The following TTC7A variants were observed in gnomAD, a reference collection of about 807,000 sequenced individuals.
TTC7A encodes tetratricopeptide repeat domain 7A, also known as tetratricopeptide repeat protein 7A.
Under a neutral mutation model 103.7 loss-of-function variants are expected in TTC7A, and 110 were observed. The ratio of observed to expected loss-of-function variants is 1.06; its 90% CI spans 0.91 to 1.24. TTC7A has a LOEUF of 1.24. Ranked by LOEUF, TTC7A falls within the 50% of genes most tolerant of loss-of-function variation. TTC7A has a pLI of 0.00. For missense variants in TTC7A, 1,340 were observed against 1,116.3 expected (o/e 1.20, Z -2.86); for synonymous variants, 521 against 467.9 (o/e 1.11, Z -1.47).
At chr2:47,048,754 G>A (rs6731476) in intron 16 of TTC7A, among the ~76,000 whole-genome samples, 1 of 151,866 alleles carries the variant, frequency 6.6e-6, no homozygotes, top group Admixed American at 6.6e-5. Context: ...AGGCACCCAC[G>A]ACCATGTCTG....
chr2:46,932,954 G>A (rs1056162246), intron 2 of TTC7A, among the ~76,000 whole-genome samples: 1 of 151,594 alleles, frequency 6.6e-6, no homozygotes, highest in African/African-American at 2.4e-5. Flanking sequence ...GCTCAAAACT[G>A]CTATAATCTC....
At chr2:46,962,561 A>G (rs1672478842) in intron 3 of TTC7A, among the ~76,000 whole-genome samples, 1 of 152,226 alleles carries the variant, frequency 6.6e-6, no homozygotes, top group Non-Finnish European at 1.5e-5. Flanking sequence ...TGAGCAAAGC[A>G]TGCTCCTGGA....
At chr2:46,922,489 C>G (rs1269813942) in intron 2 of TTC7A, among the ~76,000 whole-genome samples, 1 of 152,068 alleles carries the variant, frequency 6.6e-6, no homozygotes, top group Middle Eastern at 3.2e-3. Flanking sequence ...AGACTAAACT[C>G]CAGACCTGAG....
chr2:46,928,176 G>A (rs1245682640), intron 2 of TTC7A, among the ~76,000 whole-genome samples: 1 of 151,890 alleles, frequency 6.6e-6, no homozygotes, highest in Non-Finnish European at 1.5e-5. Context: ...ACAGGCGTGA[G>A]TCATTGCACC....
chr2:47,007,203 G>A lies in TTC7A; in HGVS notation c.1287+479G>A, dbSNP rs1354676956. ...CAGCACCCACAAGGGAGTTCGGAGG[G>A]AGTACTGCATGATGCATGGGGCTGG... On this transcript the variant is annotated intron_variant, in intron 10 of 19. Transcript: ENST00000319190. The surrounding 1 kb of genome is among the most constrained non-coding windows in gnomAD (Gnocchi z 4.9). Among the ~76,000 whole-genome samples, 2 of 152,102 alleles carry A rather than the reference G, an allele frequency of 1.3e-5. No individual in the cohort carries two copies. The highest frequency in any genetic ancestry group is 4.8e-5 in the African/African-American group (2 of 41,396).
intron 12 of TTC7A, among the ~76,000 whole-genome samples, chr2:47,022,187 C>T (rs919369072): frequency 6.6e-6 from 1 of 152,210 alleles, no homozygotes; most frequent in African/African-American, 2.4e-5. Context: ...CTGTTTCCCC[C>T]AGACTGTCGC....
intron 1 of TTC7A, among the ~76,000 whole-genome samples, chr2:46,948,266 A>G (rs1021852807): frequency 6.6e-6 from 1 of 152,204 alleles, no homozygotes; most frequent in African/African-American, 2.4e-5. Context: ...TACAGAGGCA[A>G]AGCAGGTTAG....
At chr2:46,924,847 C>T (rs72886667) in intron 2 of TTC7A, among the ~76,000 whole-genome samples, 1,780 of 152,286 alleles carry the variant, frequency 0.012, 38 homozygotes, top group African/African-American at 0.041. Flanking sequence ...AGGCTGGACT[C>T]GAGCTCTGGG....
At chr2:47,025,905 A>G (rs887507970) in intron 14 of TTC7A, among the ~76,000 whole-genome samples, 15 of 151,892 alleles carry the variant, frequency 9.9e-5, no homozygotes, top group Non-Finnish European at 2.2e-4. Flanking sequence ...AGGAATACCA[A>G]CTTTATTTTT....
chr2:46,942,888 TTTTGTTTTTG>T (rs1021690803), intron 1 of TTC7A, among the ~76,000 whole-genome samples: 3 of 151,636 alleles, frequency 2.0e-5, no homozygotes, highest in Non-Finnish European at 2.9e-5. Context: ...GTCTTTTTGT[TTTTGTTTTTG>T]TTTGTTTGTT....
chr2:47,038,464 A>C (rs1036065959), intron 15 of TTC7A, among the ~76,000 whole-genome samples: 1 of 152,164 alleles, frequency 6.6e-6, no homozygotes, highest in Non-Finnish European at 1.5e-5. Context: ...AGGCGTGGCC[A>C]CCTGACTCAG....
intron 5 of TTC7A, among the ~76,000 whole-genome samples, chr2:46,979,611 G>C (rs1015073166): frequency 6.6e-6 from 1 of 152,172 alleles, no homozygotes; most frequent in Non-Finnish European, 1.5e-5. Flanking sequence ...CTGGTGTTAG[G>C]CCGGGAGTGG....
In TTC7A at chr2:46,941,364, GTGCTGC is replaced by G. The variant is rs997844606; in HGVS notation, c.-162_-157del. On this transcript the variant is annotated 5_prime_UTR_variant, in exon 1 of 20. Coordinates refer to ENST00000319190, the MANE Select transcript of TTC7A (RefSeq NM_020458.4). This position sits in a 1 kb window ranked among gnomAD's most constrained non-coding sequence, Gnocchi z 4.2. The stretch of plus-strand genomic sequence containing the variant: ...CCGGGCGGTGCGCTGGGAGCTGCTG[GTGCTGC>G]TGCTGCTGCTGCTGCCCACCCTCCG... 134 of 384,134 alleles carry G rather than the reference GTGCTGC, an allele frequency of 3.5e-4. No homozygotes were observed. Among genetic ancestry groups the G allele is most frequent in the African/African-American group, 2.8e-3 (129 of 46,610 alleles). The allele number at this position is 384,134 out of a possible 1,614,324, so 23.8% of individuals were successfully genotyped here.
chr2:47,068,907 G>A (rs893336705), intron 19 of TTC7A, among the ~76,000 whole-genome samples: 28 of 146,540 alleles, frequency 1.9e-4, no homozygotes, highest in Admixed American at 4.1e-4. Context: ...ACCCTACATG[G>A]AGAGAGAAGG....
intron 15 of TTC7A, among the ~76,000 whole-genome samples, chr2:47,036,936 C>G (rs184132202): frequency 6.6e-6 from 1 of 152,320 alleles, no homozygotes; most frequent in South Asian, 2.1e-4. Context: ...GCATATCCCC[C>G]GCATCCTGGC....
At chr2:47,035,997 C>T (rs1272099274) in intron 15 of TTC7A, among the ~76,000 whole-genome samples, 1 of 152,214 alleles carries the variant, frequency 6.6e-6, no homozygotes, top group Non-Finnish European at 1.5e-5. Context: ...AGAACCTAAG[C>T]GTCTTCTTTT....
chr2:47,011,453 G>T lies in TTC7A; in HGVS notation c.1392+18G>T, dbSNP rs756057177. On this transcript the variant is annotated intron_variant, in intron 11 of 19. Coordinates refer to ENST00000319190, the MANE Select transcript of TTC7A (RefSeq NM_020458.4). The stretch of plus-strand genomic sequence containing the variant: ...TTCGCTGGGTGAGTGAGCTGTGAGG[G>T]CAGGTCCCAGAGGCCTCCTGTGGGG... The T allele has an allele frequency of 1.3e-5, 21 of 1,592,394 alleles. No individual in the cohort carries two copies. The highest frequency in any genetic ancestry group is 1.7e-5 in the Non-Finnish European group (20 of 1,172,698).
chr2:46,920,759 G>A (rs1669062441), intron 2 of TTC7A, among the ~76,000 whole-genome samples: 1 of 151,860 alleles, frequency 6.6e-6, no homozygotes, highest in Non-Finnish European at 1.5e-5. Flanking sequence ...TTCCTTCAAA[G>A]GCATTTTCAT....
intron 3 of TTC7A, among the ~76,000 whole-genome samples, chr2:46,966,703 G>A (rs1672882235): frequency 1.3e-5 from 2 of 149,754 alleles, no homozygotes; most frequent in Middle Eastern, 3.2e-3. Flanking sequence ...TGTTGCAAGG[G>A]CTGGTCCTGA....
Sources: gnomAD v4.1 joint callset for allele counts (sites outside exome capture counted in the v4.1 genomes callset) on GRCh38, gnomAD v4.1.1 for gene constraint, Gnocchi (gnomAD v3.1) non-coding constraint, MANE v1.5 for transcripts, NCBI Gene and HGNC (gene_info 2026-07-23, HGNC 2026-07-21) for gene names.